TTLL4: variants seen among roughly 807,000 people sequenced by gnomAD.
The protein encoded by TTLL4 is tubulin monoglutamylase TTLL4.
TTLL4 carries 85 observed loss-of-function variants against 122.7 expected under a neutral mutation model. That is an observed-to-expected ratio of 0.69 (90% CI 0.58 to 0.83). The LOEUF (loss-of-function observed/expected upper bound fraction) is 0.83. Among genes scored for constraint, TTLL4 ranks in the 40% least tolerant of loss-of-function variants. The pLI is 0.00. For synonymous variants in TTLL4, 553 were observed against 563.0 expected (o/e 0.98, Z 0.25); for missense variants, 1,363 against 1,488.6 (o/e 0.92, Z 1.39).
downstream of TTLL4, among the ~76,000 whole-genome samples, chr2:218,758,606 C>T (rs563235753): frequency 2.6e-5 from 4 of 152,118 alleles, no homozygotes; most frequent in South Asian, 8.3e-4. Flanking sequence ...AGATTAAAGC[C>T]CCCATCATTA....
intron 12 of TTLL4, 125 bp downstream of exon 12, chr2:218,748,352 A>G (rs775860276): frequency 1.5e-5 from 21 of 1,412,562 alleles, no homozygotes; most frequent in African/African-American, 2.9e-5. Context: ...ACACTTACCA[A>G]TTCAGAATTG....
Position 218,732,298 on chromosome 2 carries a change from A to G in TTLL4, c.-99+4951A>G, listed in dbSNP as rs149753008. Among the ~76,000 whole-genome samples the G allele has an allele frequency of 4.4e-3, 667 of 152,308 alleles. 5 individuals are homozygous for G. The highest frequency in any genetic ancestry group is 0.015 in the African/African-American group (628 of 41,558). ...GTAGCCAGTACATAGCCTTCTACATATGTAAATACCTTTTCTCCTGTTGTC... is the reference window on the plus strand; with the variant it reads ...GTAGCCAGTACATAGCCTTCTACATGTGTAAATACCTTTTCTCCTGTTGTC... On this transcript the variant is annotated intron_variant, in intron 2 of 19. Coordinates refer to ENST00000392102, the MANE Select transcript of TTLL4 (RefSeq NM_014640.5).
chr2:218,747,099 A>G lies in TTLL4; in HGVS notation c.2071A>G (p.Ser691Gly). The G allele has an allele frequency of 6.2e-7, 1 of 1,614,232 alleles. No homozygotes were observed. Among genetic ancestry groups the G allele is most frequent in the Non-Finnish European group, 8.5e-7 (1 of 1,180,046 alleles). Residue 691 changes from serine (S) to glycine (G), a missense_variant, in exon 9 of 20, where the codon AGT becomes GGT. Physicochemically the swap from Ser to Gly is moderately conservative, Grantham distance 56 (BLOSUM62 0). This residue lies in a region of TTLL4 where 596 missense variants were observed against 655.8 expected (regional missense o/e 0.91). Coordinates refer to ENST00000392102, the MANE Select transcript of TTLL4 (RefSeq NM_014640.5). This position sits in a 1 kb window ranked among gnomAD's most constrained non-coding sequence, Gnocchi z 4.7. ...GAGCCGCTTTGGCAAGAAGGAGTTC[A>G]GTTTCTTCCCCCAGTCCTTTATCCT... ...MQSRFGKKEF[S>G]FFPQSFILPQ...
intron 5 of TTLL4, among the ~76,000 whole-genome samples, chr2:218,743,202 A>C (rs148976150): frequency 1.3e-5 from 2 of 151,208 alleles, no homozygotes; most frequent in Non-Finnish European, 3.0e-5. Flanking sequence ...TCCTCCTCCT[A>C]CCCTTACTCT....
chr2:218,734,910 A>G (rs1446305218), intron 2 of TTLL4, among the ~76,000 whole-genome samples: 1 of 152,150 alleles, frequency 6.6e-6, no homozygotes, highest in Non-Finnish European at 1.5e-5. Flanking sequence ...TAATTGTTCC[A>G]AGCACGGTAT....
intron 8 of TTLL4, 119 bp downstream of exon 8, chr2:218,746,350 A>G: frequency 9.4e-7 from 1 of 1,063,456 alleles, no homozygotes; most frequent in South Asian, 1.3e-5. Context: ...GAAGTCAGGA[A>G]GGTGTACAGA....
intron 3 of TTLL4, among the ~76,000 whole-genome samples, chr2:218,739,543 A>G (rs1019505443): frequency 6.6e-5 from 10 of 152,230 alleles, no homozygotes; most frequent in African/African-American, 1.7e-4. Flanking sequence ...CAGGAGAGAA[A>G]TAAGAATTGT....
At chr2:218,749,514 G>C (rs1942958611) in intron 14 of TTLL4, 127 bp downstream of exon 14, 1 of 1,372,656 alleles carries the variant, frequency 7.3e-7, no homozygotes, top group Non-Finnish European at 9.7e-7. Flanking sequence ...TGTCTCCCAG[G>C]CTGGAGTGCA....
chr2:218,711,325 T>C (rs1411539331), intron 1 of TTLL4, among the ~76,000 whole-genome samples: 1 of 152,188 alleles, frequency 6.6e-6, no homozygotes, highest in Non-Finnish European at 1.5e-5. Context: ...CATCCCCTAG[T>C]TATGGCCTCC....
chr2:218,749,496 T>C, intron 14 of TTLL4, 109 bp downstream of exon 14: 1 of 1,421,148 alleles, frequency 7.0e-7, no homozygotes, highest in Non-Finnish European at 9.4e-7. Flanking sequence ...TGAGATGGAG[T>C]CTCGCTCTGT....
Position 218,737,996 on chromosome 2 carries a change from C to T in TTLL4, c.320C>T (p.Ser107Phe), listed in dbSNP as rs200209261. The change falls in exon 3 of 20, where the codon TCT becomes TTT. Residue 107 changes from serine to phenylalanine, a missense_variant. Physicochemically the swap from Ser to Phe is radical, Grantham distance 155 (BLOSUM62 -2). Transcript: ENST00000392102. Reference sequence around the variant, plus strand: ...CACAGCAGTTCCTGTTACCTACACTCTCTCCCGGACTTGTTCAACAGCACC... The same window carrying T: ...CACAGCAGTTCCTGTTACCTACACTTTCTCCCGGACTTGTTCAACAGCACC... ...AGHSSSCYLH[S>F]LPDLFNSTLL... 32 of 1,614,200 alleles carry T rather than the reference C, an allele frequency of 2.0e-5. No individual in the cohort carries two copies. In the East Asian group the frequency reaches 6.9e-4, roughly 35 times the overall value.
Position 218,738,726 on chromosome 2 carries a change from G to C in TTLL4, c.1050G>C (p.Lys350Asn), listed in dbSNP as rs1222563319. The C allele has an allele frequency of 1.9e-6, 3 of 1,614,120 alleles. No individual in the cohort carries two copies. In the African/African-American group the frequency reaches 4.0e-5, roughly 22 times the overall value. Reference sequence around the variant, plus strand: ...AATTGACCGCAAGAGGCTTTGAGAAGATGCCGAGGCAAGGCTGCCAGCTTG... The same window carrying C: ...AATTGACCGCAAGAGGCTTTGAGAACATGCCGAGGCAAGGCTGCCAGCTTG... ...VRKLTARGFEKMPRQGCQLEQ... is the reference protein window; with the variant it reads ...VRKLTARGFENMPRQGCQLEQ... The change falls in exon 3 of 20, where the codon AAG (lysine) becomes AAC (asparagine). Residue 350 changes from lysine to asparagine, a missense_variant. Coordinates refer to ENST00000392102, the MANE Select transcript of TTLL4 (RefSeq NM_014640.5).
At chr2:218,719,450 A>C (rs1356606684) in intron 1 of TTLL4, among the ~76,000 whole-genome samples, 1 of 152,144 alleles carries the variant, frequency 6.6e-6, no homozygotes, top group Non-Finnish European at 1.5e-5. Flanking sequence ...CACAAGGAAG[A>C]AGCTTAGTGG....
chr2:218,739,238 G>T, intron 3 of TTLL4, 75 bp downstream of exon 3: 1 of 1,495,610 alleles, frequency 6.7e-7, no homozygotes, highest in Non-Finnish European at 8.9e-7. Flanking sequence ...CACCGACCCT[G>T]TACCTCTGAA....
At chr2:218,731,455 G>A (rs1671992775) in intron 2 of TTLL4, among the ~76,000 whole-genome samples, 1 of 151,898 alleles carries the variant, frequency 6.6e-6, no homozygotes, top group African/African-American at 2.4e-5. Context: ...TAACAAGACG[G>A]TTCTGTTTTA....
At chr2:218,744,135 T>C (rs1942777436) in intron 5 of TTLL4, among the ~76,000 whole-genome samples, 1 of 152,268 alleles carries the variant, frequency 6.6e-6, no homozygotes, top group African/African-American at 2.4e-5. Context: ...GTATTTAACT[T>C]GATTCCATAA....
chr2:218,745,883 C>T (rs1460692632), intron 7 of TTLL4, 82 bp downstream of exon 7: 34 of 1,308,006 alleles, frequency 2.6e-5, no homozygotes, highest in Non-Finnish European at 3.2e-5. Context: ...CTAGACACCT[C>T]GTGCCTATGT....
At position 218,746,082 on chromosome 2, in the gene TTLL4, T is replaced by C. The variant is rs569152371; in HGVS notation, c.1898-73T>C. 99 of 1,563,196 alleles carry C rather than the reference T, an allele frequency of 6.3e-5. No homozygotes were observed. In the African/African-American group the frequency reaches 1.3e-3, roughly 20 times the overall value. ...CAAGTCTGGGAGCTCTGCCCAGTTC[T>C]GGGGCCTCTGGGCCTCTCTCTGTCC... On this transcript the variant is annotated intron_variant, in intron 7 of 19. Coordinates refer to ENST00000392102, the MANE Select transcript of TTLL4 (RefSeq NM_014640.5).
At chr2:218,721,270 G>A (rs1575159864) in intron 1 of TTLL4, among the ~76,000 whole-genome samples, 1 of 152,084 alleles carries the variant, frequency 6.6e-6, no homozygotes, top group East Asian at 1.9e-4. Context: ...AAGAGGTGGG[G>A]TTCTGCCATG....
Sources: gnomAD v4.1 joint callset for allele counts (sites outside exome capture counted in the v4.1 genomes callset) on GRCh38, gnomAD v4.1.1 for gene constraint, gnomAD v4.1.1 regional missense constraint, Gnocchi (gnomAD v3.1) non-coding constraint, MANE v1.5 for transcripts, NCBI Gene and HGNC (gene_info 2026-07-23, HGNC 2026-07-21) for gene names.